GALNTL6: variants seen among roughly 807,000 people sequenced by gnomAD.
The protein encoded by GALNTL6 is polypeptide N-acetylgalactosaminyltransferase like 6.
A neutral mutation model predicts 73.7 loss-of-function variants in GALNTL6; 46 were observed. That is an observed-to-expected ratio of 0.62 (90% CI 0.49 to 0.80). The LOEUF is 0.80. Ranked by LOEUF, GALNTL6 falls within the 30% of genes least tolerant of loss-of-function variation. GALNTL6 has a pLI of 0.00. For missense variants in GALNTL6, 604 were observed against 755.0 expected (o/e 0.80, Z 2.34); for synonymous variants, 259 against 263.7 (o/e 0.98, Z 0.17).
intron 2 of GALNTL6, among the ~76,000 whole-genome samples, chr4:172,003,547 A>C (rs1371321589): frequency 6.6e-6 from 1 of 152,144 alleles, no homozygotes; most frequent in African/African-American, 2.4e-5. Context: ...GCTTTAGTCA[A>C]GGGCAGCTTT....
intron 5 of GALNTL6, among the ~76,000 whole-genome samples, chr4:172,769,801 G>A (rs962349587): frequency 5.9e-5 from 9 of 152,144 alleles, no homozygotes; most frequent in Admixed American, 4.6e-4. Context: ...GATGCTTTCA[G>A]TGTTACTATT....
chr4:171,857,265 A>T lies in GALNTL6; in HGVS notation c.138+42547A>T, dbSNP rs79503239. Among the ~76,000 whole-genome samples the T allele has an allele frequency of 2.9e-3, 433 of 149,470 alleles. 2 individuals are homozygous for T. The highest frequency in any genetic ancestry group is 5.4e-3 in the Non-Finnish European group (360 of 66,468). ...CCCTTGCTTTCTCAGTATTTTATTT[A>T]AAAAAAAAGAAGTATATTGAACCAA... On this transcript the variant is annotated intron_variant, in intron 2 of 12. Transcript: ENST00000506823.
At chr4:173,023,163 G>C (rs1283291473) in intron 12 of GALNTL6, among the ~76,000 whole-genome samples, 1 of 152,188 alleles carries the variant, frequency 6.6e-6, no homozygotes, top group Non-Finnish European at 1.5e-5. Flanking sequence ...GGAGAGAAGT[G>C]GTGGAGAGTC....
At chr4:172,957,714 G>A (rs1009252747) in intron 10 of GALNTL6, among the ~76,000 whole-genome samples, 1 of 152,178 alleles carries the variant, frequency 6.6e-6, no homozygotes, top group African/African-American at 2.4e-5. Context: ...GATATGGAAG[G>A]CATATTTAGA....
chr4:172,269,289 G>A (rs1738557129), intron 3 of GALNTL6, among the ~76,000 whole-genome samples: 1 of 152,168 alleles, frequency 6.6e-6, no homozygotes, highest in South Asian at 2.1e-4. Context: ...AATAAGGCAC[G>A]GAGGTTAGGT....
At chr4:172,704,842 T>C (rs1345745384) in intron 5 of GALNTL6, among the ~76,000 whole-genome samples, 1 of 152,042 alleles carries the variant, frequency 6.6e-6, no homozygotes, top group African/African-American at 2.4e-5. Context: ...TCTGTTAATA[T>C]TTGCTTTATG....
intron 5 of GALNTL6, among the ~76,000 whole-genome samples, chr4:172,792,082 AATATCAGAACCATTTGAGACATTTCACG>A (rs1465362266): frequency 5.9e-5 from 9 of 152,344 alleles, no homozygotes; most frequent in Non-Finnish European, 1.0e-4. Flanking sequence ...ATAACTTGAT[AATATCAGAACCATTTGAGACATTTCACG>A]ATGCTTCTAG....
intron 2 of GALNTL6, among the ~76,000 whole-genome samples, chr4:172,103,051 A>G (rs1732565437): frequency 6.6e-6 from 1 of 152,206 alleles, no homozygotes; most frequent in South Asian, 2.1e-4. Context: ...TTCATGGGCT[A>G]GGAAAACAAA....
chr4:172,695,100 C>T (rs1733602931), intron 5 of GALNTL6, among the ~76,000 whole-genome samples: 1 of 152,288 alleles, frequency 6.6e-6, no homozygotes, highest in Middle Eastern at 3.4e-3. Flanking sequence ...GTGTGTCCAT[C>T]ACAGTTCCTA....
In GALNTL6 at chr4:172,211,779, C is replaced by T. The variant is rs116139039; in HGVS notation, c.139-17877C>T. Among the ~76,000 whole-genome samples, 1,014 of 152,290 alleles carry T rather than the reference C, an allele frequency of 6.7e-3. 10 individuals carry two copies. Among genetic ancestry groups the T allele is most frequent in the African/African-American group, 0.023 (941 of 41,554 alleles). ...TGGTGTCAGTTAAAAGGGCATTCCT[C>T]ATAGACAGTGTCTTCTCTAGTCCTC... On this transcript the variant is annotated intron_variant, in intron 2 of 12. Coordinates refer to ENST00000506823, the MANE Select transcript of GALNTL6 (RefSeq NM_001034845.3).
intron 2 of GALNTL6, among the ~76,000 whole-genome samples, chr4:171,933,715 A>AT (rs1033399280): frequency 6.6e-6 from 1 of 150,566 alleles, no homozygotes; most frequent in Admixed American, 6.6e-5. Context: ...TATTTTACTA[A>AT]TTTTTTTTCT....
At chr4:172,827,866 G>T (rs1560979216) in intron 7 of GALNTL6, among the ~76,000 whole-genome samples, 1 of 151,514 alleles carries the variant, frequency 6.6e-6, no homozygotes, top group Admixed American at 6.6e-5. Context: ...CACTATACAA[G>T]TTTTTTTTCA....
chr4:172,241,922 A>G lies in GALNTL6; in HGVS notation c.247+12158A>G, dbSNP rs149394648. 1.2e-3 allele frequency among the ~76,000 whole-genome samples: 190 copies of G among 152,320 alleles called. 3 individuals are homozygous for G. The East Asian group carries it at 0.035, about 28-fold the overall frequency. On this transcript the variant is annotated intron_variant, in intron 3 of 12. Transcript: ENST00000506823. ...GTACATTATCACAAAATAGATTAGC[A>G]TTTTTAAAATCTTCATTCAGATTAT...
intron 5 of GALNTL6, among the ~76,000 whole-genome samples, chr4:172,486,817 C>G (rs1056785907): frequency 6.6e-6 from 1 of 152,156 alleles, no homozygotes; most frequent in African/African-American, 2.4e-5. Flanking sequence ...CTCTCACAAC[C>G]GTTTTTACAT....
chr4:172,030,793 T>G (rs111769930), intron 2 of GALNTL6, among the ~76,000 whole-genome samples: 1,719 of 151,658 alleles, frequency 0.011, 27 homozygotes, highest in African/African-American at 0.035. Context: ...ATTACCGTAT[T>G]TCACACACAT....
At chr4:171,979,807 A>G (rs17057808) in intron 2 of GALNTL6, among the ~76,000 whole-genome samples, 5,850 of 109,508 alleles carry the variant, frequency 0.053, 319 homozygotes, top group African/African-American at 0.13. Context: ...CCATGTAACT[A>G]TATTTCTAAT....
At chr4:171,890,911 C>G (rs1324215376) in intron 2 of GALNTL6, among the ~76,000 whole-genome samples, 1 of 151,986 alleles carries the variant, frequency 6.6e-6, no homozygotes, top group Non-Finnish European at 1.5e-5. Flanking sequence ...TAGCCTTATC[C>G]CTTCTTATTG....
intron 5 of GALNTL6, among the ~76,000 whole-genome samples, chr4:172,390,448 A>G (rs1333405738): frequency 6.6e-6 from 1 of 152,220 alleles, no homozygotes; most frequent in African/African-American, 2.4e-5. Flanking sequence ...AACAATTGAT[A>G]AGTTTTAAAT....
chr4:172,335,791 G>T (rs1223294358), intron 4 of GALNTL6, among the ~76,000 whole-genome samples: 1 of 152,032 alleles, frequency 6.6e-6, no homozygotes, highest in Non-Finnish European at 1.5e-5. Context: ...CAGTTGTAGG[G>T]TCATCTTTGT....
Sources: gnomAD v4.1 joint callset for allele counts (sites outside exome capture counted in the v4.1 genomes callset) on GRCh38, gnomAD v4.1.1 for gene constraint, MANE v1.5 for transcripts, NCBI Gene and HGNC (gene_info 2026-07-23, HGNC 2026-07-21) for gene names.